The following APOL4 variants were observed in gnomAD, a reference collection of about 807,000 sequenced individuals.
APOL4 encodes the protein apolipoprotein L4.
A neutral mutation model predicts 12.1 loss-of-function variants in APOL4; 14 were observed. That is an observed-to-expected ratio of 1.16 (90% CI 0.76 to 1.81). The LOEUF (loss-of-function observed/expected upper bound fraction) is 1.81. Ranked by LOEUF, APOL4 falls within the 40% of genes most tolerant of loss-of-function variation. The probability of loss-of-function intolerance (pLI) is 0.00; values close to 1 mark genes in which losing one functional copy is unlikely to be tolerated. For synonymous variants in APOL4, 171 were observed against 160.6 expected (o/e 1.06, Z -0.49); for missense variants, 432 against 423.1 (o/e 1.02, Z -0.18).
intron 2 of APOL4, chr22:36,197,519 T>C: frequency 7.4e-7 from 1 of 1,345,750 alleles, no homozygotes; most frequent in Non-Finnish European, 9.6e-7. Flanking sequence ...AAAATTAAAA[T>C]AAAAACCAGA....
At chr22:36,196,133 T>C (rs1271917373) in intron 2 of APOL4, among the ~76,000 whole-genome samples, 1 of 152,246 alleles carries the variant, frequency 6.6e-6, no homozygotes, top group East Asian at 1.9e-4. Context: ...GATCGCTTCC[T>C]CCTGCCATGT....
At chr22:36,200,099 G>A (rs897621371) in intron 1 of APOL4, among the ~76,000 whole-genome samples, 2 of 149,712 alleles carry the variant, frequency 1.3e-5, no homozygotes, top group African/African-American at 4.9e-5. Context: ...GAGCGGTCGC[G>A]CCGGGCCTGT....
chr22:36,190,908 C>A lies in APOL4; in HGVS notation c.*167G>T, dbSNP rs986548948. ...AAGTGATCAGTGTCCATGAAATCTT[C>A]ACAATTTGTGTTTAGAGATTGCGGT... On this transcript the variant is annotated 3_prime_UTR_variant, in exon 4 of 4. Transcript: ENST00000683024. The A allele has an allele frequency of 4.8e-5, 31 of 645,016 alleles. No homozygotes were observed. Among genetic ancestry groups the A allele is most frequent in the Non-Finnish European group, 7.8e-5 (30 of 382,338 alleles). 40.0% of individuals were successfully genotyped at this position (645,016 alleles called of 1,614,324 possible). A position where few individuals can be genotyped will look rare whatever the true frequency, so the allele number is the denominator to read the frequency against.
At chr22:36,202,003 C>G (rs80587), upstream of APOL4, 686,858 of 1,611,538 alleles carry the variant, frequency 0.43, 156,575 homozygotes, top group East Asian at 0.91. Context: ...CAGATGCAGA[C>G]GACAAAGATT....
chr22:36,195,791 C>T (rs1305842448), intron 2 of APOL4, among the ~76,000 whole-genome samples: 3 of 150,318 alleles, frequency 2.0e-5, no homozygotes, highest in Non-Finnish European at 4.4e-5. Context: ...CACACACACA[C>T]ACACACACAC....
Position 36,191,040 on chromosome 22 carries a change from C to A in APOL4, c.*35G>T, listed in dbSNP as rs543841910. 1 of 1,532,888 alleles carries A rather than the reference C, an allele frequency of 6.5e-7. No individual in the cohort carries two copies. The highest frequency in any genetic ancestry group is 2.0e-5 in the Admixed American group (1 of 49,416). The allele number at this position is 1,532,888 out of a possible 1,614,324, so 95.0% of individuals were successfully genotyped here. A position where few individuals can be genotyped will look rare whatever the true frequency, so the allele number is the denominator to read the frequency against. On this transcript the variant is annotated 3_prime_UTR_variant, in exon 4 of 4. Coordinates refer to ENST00000683024, the MANE Select transcript of APOL4 (RefSeq NM_001386885.1). ...CTGCCATGGCTTCAGCCAGTCCCTCCGTTTGGGGTCCCTGACTTCCCGCAA... is the reference window on the plus strand; with the variant it reads ...CTGCCATGGCTTCAGCCAGTCCCTCAGTTTGGGGTCCCTGACTTCCCGCAA...
Position 36,191,140 on chromosome 22 carries a change from C to A in APOL4, c.982G>T (p.Ala328Ser). The A allele has an allele frequency of 1.2e-6, 2 of 1,611,870 alleles. No homozygotes were observed. The highest frequency in any genetic ancestry group is 1.7e-6 in the Non-Finnish European group (2 of 1,178,918). Residue 328 changes from alanine (A) to serine (S), a missense_variant, in exon 4 of 4, where the codon GCT becomes TCT. By Grantham distance (99) the Ala-to-Ser change is moderately conservative. Transcript: ENST00000683024. ...SESAESLRQW[A>S]QELEENLNEL... ...TTGAGATTCTCCTCCAGCTCCTGAG[C>A]CCACTGCCTCAGCGACTCAGCAGAC...
At chr22:36,200,524 C>T (rs2014540186) in intron 1 of APOL4, among the ~76,000 whole-genome samples, 1 of 152,220 alleles carries the variant, frequency 6.6e-6, no homozygotes, top group Admixed American at 6.5e-5. Context: ...CTGGCGCTGC[C>T]CTGTTCCCTC....
chr22:36,198,484 G>A (rs981327910), intron 2 of APOL4, among the ~76,000 whole-genome samples: 3 of 152,178 alleles, frequency 2.0e-5, no homozygotes, highest in East Asian at 1.9e-4. Flanking sequence ...TGCCTCAGAT[G>A]TTTCTTTGAC....
upstream of APOL4, chr22:36,204,643 T>C: frequency 1.4e-6 from 1 of 736,724 alleles, no homozygotes; most frequent in South Asian, 2.3e-5. Flanking sequence ...GATCTTCCTC[T>C]GACAGAGACT....
chr22:36,192,434 G>C (rs1603477629), intron 3 of APOL4, among the ~76,000 whole-genome samples: 2 of 152,310 alleles, frequency 1.3e-5, no homozygotes, highest in South Asian at 4.1e-4. Context: ...GAAAAAATAA[G>C]TTAAAGTCAT....
At chr22:36,199,439 T>G in intron 1 of APOL4, 63 bp from the exon 2 acceptor site, 1 of 1,613,516 alleles carries the variant, frequency 6.2e-7, no homozygotes, top group Non-Finnish European at 8.5e-7. Flanking sequence ...AAGGGAGGCT[T>G]GAACAGCTGG....
chr22:36,201,468 C>A, intron 1 of APOL4: 2 of 900,250 alleles, frequency 2.2e-6, no homozygotes, highest in Non-Finnish European at 3.1e-6. Flanking sequence ...AAAGGGGGAC[C>A]CAGTCCTGGG....
At chr22:36,194,175 T>C (rs1295977780) in intron 3 of APOL4, among the ~76,000 whole-genome samples, 2 of 152,190 alleles carry the variant, frequency 1.3e-5, no homozygotes, top group African/African-American at 2.4e-5. Flanking sequence ...ACTCTGGAAG[T>C]TGGCCTGAAG....
upstream of APOL4, chr22:36,202,012 T>C (rs132736): frequency 0.43 from 686,914 of 1,611,504 alleles, 156,609 homozygotes; most frequent in East Asian, 0.91. Flanking sequence ...ACGACAAAGA[T>C]TTTCAGCAAA....
At chr22:36,200,566 G>A (rs1306469041) in intron 1 of APOL4, among the ~76,000 whole-genome samples, 3 of 152,206 alleles carry the variant, frequency 2.0e-5, no homozygotes, top group Non-Finnish European at 4.4e-5. Flanking sequence ...GGACCTTAGG[G>A]TGTTTCTAAT....
chr22:36,194,599 A>T (rs542148780), intron 3 of APOL4, among the ~76,000 whole-genome samples: 2 of 152,096 alleles, frequency 1.3e-5, no homozygotes, highest in East Asian at 3.9e-4. Flanking sequence ...CTCCCATCTG[A>T]TTGAATTACT....
upstream of APOL4, among the ~76,000 whole-genome samples, chr22:36,203,759 T>C (rs930778938): frequency 4.6e-5 from 7 of 152,196 alleles, no homozygotes; most frequent in African/African-American, 1.4e-4. Flanking sequence ...CCTGCATCCA[T>C]TCATAGGCTC....
rs1056864672 is a variant in APOL4 at position 36,197,514 on chromosome 22, T to A, written c.82+1816A>T. 3.0e-6 allele frequency: 4 copies of A among 1,333,746 alleles called. No individual in the cohort carries two copies. In the Admixed American group the frequency reaches 1.4e-4, roughly 45 times the overall value. 82.6% of individuals were successfully genotyped at this position (1,333,746 alleles called of 1,614,324 possible). On this transcript the variant is annotated intron_variant, in intron 2 of 3. Transcript: ENST00000683024. ...GGGATGGTGAATATTAAAGCAAAATTAAAATAAAAACCAGACCTGAAACAT... is the reference window on the plus strand; with the variant it reads ...GGGATGGTGAATATTAAAGCAAAATAAAAATAAAAACCAGACCTGAAACAT...
Sources: allele counts gnomAD v4.1 joint callset (sites outside exome capture counted in the v4.1 genomes callset), GRCh38; gene constraint gnomAD v4.1.1; transcripts MANE v1.5; gene names NCBI Gene and HGNC (gene_info 2026-07-23, HGNC 2026-07-21).